Variants in GPATCH2L observed in about 807,000 individuals in gnomAD.
The protein encoded by GPATCH2L is G-patch domain containing 2 like.
GPATCH2L carries 31 observed loss-of-function variants against 57.4 expected under a neutral mutation model. That is an observed-to-expected ratio of 0.54 (90% confidence interval 0.41 to 0.73). The LOEUF (loss-of-function observed/expected upper bound fraction) is 0.73. Among genes scored for constraint, GPATCH2L ranks in the 30% least tolerant of loss-of-function variants. GPATCH2L has a pLI of 0.00. For missense variants in GPATCH2L, 481 were observed against 599.9 expected, an observed-to-expected ratio of 0.80 and a Z score of 2.07; for synonymous variants, 199 against 210.7, an observed-to-expected ratio of 0.94 and a Z score of 0.48.
chr14:76,157,882 T>C (rs1566768964), intron 2 of GPATCH2L, among the ~76,000 whole-genome samples: 2 of 152,222 alleles, frequency 1.3e-5, no homozygotes, highest in Non-Finnish European at 1.5e-5. Context: ...AAAATGGTTA[T>C]AGTATAGTAG....
Position 76,208,128 on chromosome 14 carries a change from A to ATAATATCT in GPATCH2L, c.*6277_*6278insTAATATCT, listed in dbSNP as rs2040399596. The ATAATATCT allele has an allele frequency of 2.6e-5, 4 of 152,334 alleles. No homozygotes were observed. The highest frequency in any genetic ancestry group is 2.6e-4 in the Admixed American group (4 of 15,300). The allele number at this position is 152,334 out of a possible 1,614,324, so 9.4% of individuals were successfully genotyped here. A position where few individuals can be genotyped will look rare whatever the true frequency, so the allele number is the denominator to read the frequency against. ...TGTTACTAGATATTATCAAGGTGTG[A>ATAATATCT]GACTAAAAAGTTAGAAGGCTTTAAG... On this transcript the variant is annotated 3_prime_UTR_variant, in exon 10 of 10. Transcript: ENST00000261530.
intron 2 of GPATCH2L, among the ~76,000 whole-genome samples, chr14:76,156,959 T>A (rs540206467): frequency 6.6e-6 from 1 of 152,344 alleles, no homozygotes; most frequent in Non-Finnish European, 1.5e-5. Flanking sequence ...CTGGATAACT[T>A]AAGTGGATGG....
rs1342089930 is a variant in GPATCH2L at position 76,208,380 on chromosome 14, C to T, written c.*6529C>T. 1.3e-5 allele frequency: 2 copies of T among 152,176 alleles called. No individual in the cohort carries two copies. Among genetic ancestry groups the T allele is most frequent in the African/African-American group, 4.8e-5 (2 of 41,418 alleles). 9.4% of individuals were successfully genotyped at this position (152,176 alleles called of 1,614,324 possible). A position where few individuals can be genotyped will look rare whatever the true frequency, so the allele number is the denominator to read the frequency against. On this transcript the variant is annotated 3_prime_UTR_variant, in exon 10 of 10. Transcript: ENST00000261530. ...CTCACGACCATGCAAACTGATGCCACCCCAAAGTCATGGTAACGATTTGAA... is the reference window on the plus strand; with the variant it reads ...CTCACGACCATGCAAACTGATGCCATCCCAAAGTCATGGTAACGATTTGAA...
chr14:76,177,203 G>A (rs1382991698), intron 6 of GPATCH2L, among the ~76,000 whole-genome samples: 2 of 151,986 alleles, frequency 1.3e-5, no homozygotes, highest in Non-Finnish European at 2.9e-5. Flanking sequence ...ATGCTGCTGC[G>A]CCTGTCTAAT....
rs764856209 is a variant in GPATCH2L at position 76,211,304 on chromosome 14, C to A, written c.*9453C>A. 2.0e-5 allele frequency: 3 copies of A among 152,192 alleles called. No individual in the cohort carries two copies. Among genetic ancestry groups the A allele is most frequent in the African/African-American group, 7.2e-5 (3 of 41,428 alleles). The allele number at this position is 152,192 out of a possible 1,614,324, so 9.4% of individuals were successfully genotyped here. A position where few individuals can be genotyped will look rare whatever the true frequency, so the allele number is the denominator to read the frequency against. ...TCCTCTGCTAAGCTCAGGGTGCATT[C>A]GTGGAAACCCTACTGCAACTGGCCC... On this transcript the variant is annotated 3_prime_UTR_variant, in exon 10 of 10. Transcript: ENST00000261530.
intron 2 of GPATCH2L, among the ~76,000 whole-genome samples, chr14:76,161,146 G>A (rs1229808372): frequency 6.6e-6 from 1 of 152,144 alleles, no homozygotes; most frequent in African/African-American, 2.4e-5. Context: ...TTACCAGTGT[G>A]CCACCTCTAC....
intron 8 of GPATCH2L, among the ~76,000 whole-genome samples, chr14:76,187,813 T>C (rs1465232851): frequency 6.6e-6 from 1 of 152,068 alleles, no homozygotes; most frequent in African/African-American, 2.4e-5. Context: ...GTAGATCTTA[T>C]TCATTCTTTC....
intron 9 of GPATCH2L, 80 bp downstream of exon 9, chr14:76,196,052 G>A (rs1344648844): frequency 9.7e-7 from 1 of 1,034,466 alleles, no homozygotes; most frequent in East Asian, 2.4e-5. Flanking sequence ...ACCTTTTCAT[G>A]TAATGTTTGT....
downstream of GPATCH2L, among the ~76,000 whole-genome samples, chr14:76,218,894 GGGC>G (rs1318058215): frequency 4.6e-5 from 7 of 151,636 alleles, no homozygotes. Context: ...CTCCTAGGTA[GGGC>G]TCTGGTGAAA....
At chr14:76,217,376 T>A (rs2040494375), downstream of GPATCH2L, among the ~76,000 whole-genome samples, 2 of 152,168 alleles carry the variant, frequency 1.3e-5, no homozygotes, top group African/African-American at 4.8e-5. Flanking sequence ...TGCATAATAA[T>A]GCGACTGAAC....
At chr14:76,186,005 A>G (rs532469987) in intron 8 of GPATCH2L, among the ~76,000 whole-genome samples, 3 of 152,308 alleles carry the variant, frequency 2.0e-5, no homozygotes, top group East Asian at 1.9e-4. Context: ...GGAAATATCA[A>G]TACTTTTTAA....
chr14:76,158,329 C>A (rs753686308), intron 2 of GPATCH2L, among the ~76,000 whole-genome samples: 1 of 152,162 alleles, frequency 6.6e-6, no homozygotes, highest in Non-Finnish European at 1.5e-5. Context: ...TTTGGTGCCT[C>A]TTGTTTTCTT....
At chr14:76,159,199 T>A (rs905368899) in intron 2 of GPATCH2L, among the ~76,000 whole-genome samples, 2 of 152,214 alleles carry the variant, frequency 1.3e-5, no homozygotes, top group Admixed American at 1.3e-4. Flanking sequence ...AACACTGAGA[T>A]GCTGCGATTC....
intron 2 of GPATCH2L, among the ~76,000 whole-genome samples, chr14:76,159,871 G>A (rs1224140409): frequency 6.6e-6 from 1 of 152,166 alleles, no homozygotes; most frequent in East Asian, 1.9e-4. Flanking sequence ...GGTGGCTCAC[G>A]CCTGTAATCC....
intron 1 of GPATCH2L, among the ~76,000 whole-genome samples, chr14:76,219,903 C>T (rs1053001279): frequency 2.6e-5 from 4 of 152,176 alleles, no homozygotes; most frequent in African/African-American, 4.8e-5. Flanking sequence ...GCATATGAGT[C>T]AATGTGTCAG....
downstream of GPATCH2L, among the ~76,000 whole-genome samples, chr14:76,216,728 G>A (rs926337206): frequency 5.9e-5 from 9 of 152,226 alleles, no homozygotes; most frequent in Admixed American, 2.6e-4. Flanking sequence ...AGAGCAGCCC[G>A]AGGAAAACCT....
intron 3 of GPATCH2L, among the ~76,000 whole-genome samples, chr14:76,167,747 A>G (rs2139631317): frequency 6.6e-6 from 1 of 152,118 alleles, no homozygotes; most frequent in Admixed American, 6.5e-5. Flanking sequence ...ATTAGAGATT[A>G]TGTGTGTGTG....
chr14:76,170,429 A>G (rs1014766437), intron 3 of GPATCH2L, among the ~76,000 whole-genome samples: 12 of 152,226 alleles, frequency 7.9e-5, no homozygotes, highest in Non-Finnish European at 1.5e-4. Flanking sequence ...CTGAGATACT[A>G]TCACTATAGC....
intron 7 of GPATCH2L, chr14:76,180,168 C>G (rs1394558383): frequency 6.6e-6 from 1 of 152,180 alleles, no homozygotes; most frequent in East Asian, 1.9e-4. Context: ...TGCACTCCAG[C>G]CTAGGTGATG....
Sources: allele counts gnomAD v4.1 joint callset (sites outside exome capture counted in the v4.1 genomes callset), GRCh38; gene constraint gnomAD v4.1.1; transcripts MANE v1.5; gene names NCBI Gene and HGNC (gene_info 2026-07-23, HGNC 2026-07-21).